The following TASOR2 variants were observed in gnomAD, a reference collection of about 807,000 sequenced individuals.
TASOR2 encodes transcription activation suppressor family member 2, also known as protein TASOR 2.
A neutral mutation model predicts 199.5 loss-of-function variants in TASOR2; 84 were observed. The ratio of observed to expected loss-of-function variants is 0.42; its 90% CI spans 0.35 to 0.50. TASOR2 has a LOEUF of 0.50. Among genes scored for constraint, TASOR2 ranks in the 20% least tolerant of loss-of-function variants. The probability of loss-of-function intolerance (pLI) is 0.02; values close to 1 mark genes in which losing one functional copy is unlikely to be tolerated. For synonymous variants in TASOR2, 1,103 were observed against 1,046.6 expected, an observed-to-expected ratio of 1.05 and a Z score of -1.04; for missense variants, 2,796 against 2,835.9, an observed-to-expected ratio of 0.99 and a Z score of 0.32.
intron 14 of TASOR2, among the ~76,000 whole-genome samples, chr10:5,743,662 T>C (rs1439048416): frequency 1.3e-5 from 2 of 152,128 alleles, no homozygotes; most frequent in Non-Finnish European, 2.9e-5. Context: ...CACCTTAGAA[T>C]AAGAAAATAT....
chr10:5,726,079 T>C (rs1303860917), intron 8 of TASOR2, among the ~76,000 whole-genome samples: 2 of 152,234 alleles, frequency 1.3e-5, no homozygotes, highest in Non-Finnish European at 2.9e-5. Context: ...TGTAAAATGG[T>C]ATATTTTATT....
chr10:5,713,273 T>C (rs1444227896), intron 2 of TASOR2, among the ~76,000 whole-genome samples: 1 of 152,236 alleles, frequency 6.6e-6, no homozygotes, highest in Non-Finnish European at 1.5e-5. Context: ...GAAATTTTTC[T>C]GGTTTAAGTT....
intron 17 of TASOR2, among the ~76,000 whole-genome samples, chr10:5,758,013 C>T (rs982477578): frequency 6.6e-6 from 1 of 152,166 alleles, no homozygotes; most frequent in African/African-American, 2.4e-5. Context: ...AAATTGTTTG[C>T]TTAAAGTCAA....
intron 16 of TASOR2, 46 bp from the exon 18 acceptor site, chr10:5,757,474 T>A: frequency 6.5e-7 from 1 of 1,549,328 alleles, no homozygotes; most frequent in Non-Finnish European, 8.7e-7. Context: ...TAAGAAAATG[T>A]GCCCAGTGAG....
chr10:5,735,574 A>G, intron 12 of TASOR2, 28 bp downstream of exon 13: 1 of 1,609,520 alleles, frequency 6.2e-7, no homozygotes, highest in Non-Finnish European at 8.5e-7. Context: ...TATAAATTTA[A>G]ACACCCCAAT....
At chr10:5,759,365 A>G (rs1839440255) in intron 18 of TASOR2, among the ~76,000 whole-genome samples, 1 of 152,242 alleles carries the variant, frequency 6.6e-6, no homozygotes, top group African/African-American at 2.4e-5. Flanking sequence ...ACCATAATCT[A>G]TCCTTAATTC....
intron 10 of TASOR2, among the ~76,000 whole-genome samples, chr10:5,729,976 C>T (rs1274568175): frequency 1.3e-5 from 2 of 152,210 alleles, no homozygotes; most frequent in African/African-American, 4.8e-5. Flanking sequence ...TAGCAATAAT[C>T]ATTCCAGTGA....
At chr10:5,702,857 A>T (rs1838069346) in intron 1 of TASOR2, among the ~76,000 whole-genome samples, 1 of 152,190 alleles carries the variant, frequency 6.6e-6, no homozygotes, top group Admixed American at 6.5e-5. Flanking sequence ...ATTGAGACAT[A>T]TTCTGGTAAA....
chr10:5,729,891 G>GGGCC (rs1834570528), intron 10 of TASOR2, among the ~76,000 whole-genome samples: 1 of 151,348 alleles, frequency 6.6e-6, no homozygotes, highest in Middle Eastern at 3.2e-3. Context: ...TTCAGTCAAA[G>GGGCC]CAGGAGAGGA....
intron 1 of TASOR2, among the ~76,000 whole-genome samples, chr10:5,688,589 C>G (rs1019515525): frequency 1.3e-5 from 2 of 152,048 alleles, no homozygotes; most frequent in Non-Finnish European, 2.9e-5. Context: ...ACTTCTCATG[C>G]TCTGACATTA....
At chr10:5,760,911 GGCT>G (rs1839718801) in intron 18 of TASOR2, 1 of 155,634 alleles carries the variant, frequency 6.4e-6, no homozygotes, top group Non-Finnish European at 1.4e-5. Context: ...AGAAAATTCT[GGCT>G]GCTACCTAAT....
At chr10:5,725,296 C>T (rs1242926222) in intron 8 of TASOR2, among the ~76,000 whole-genome samples, 1 of 146,566 alleles carries the variant, frequency 6.8e-6, no homozygotes, top group Middle Eastern at 3.6e-3. Flanking sequence ...GAGGCTGAGG[C>T]AGGAGAATGG....
rs1836316242 is a variant in TASOR2 at position 5,690,644 on chromosome 10, A to G, written c.-288+5469A>G. Among the ~76,000 whole-genome samples the G allele has an allele frequency of 6.6e-6, 1 of 152,216 alleles. No homozygotes were observed. The highest frequency in any genetic ancestry group is 1.5e-5 in the Non-Finnish European group (1 of 68,034). On this transcript the variant is annotated intron_variant, in intron 1 of 20. Coordinates refer to ENST00000328090, the Ensembl canonical transcript of TASOR2. The surrounding 1 kb of genome is among the most constrained non-coding windows in gnomAD (Gnocchi z 4.8). ...AAGAGTACCCAAAAGTGGGTCTTGA[A>G]ATATAATTGTTTCTGAGAGGAACTT... is the stretch of plus-strand genomic sequence containing the variant.
chr10:5,695,972 C>T (rs144113253), intron 1 of TASOR2, among the ~76,000 whole-genome samples: 196 of 152,212 alleles, frequency 1.3e-3, no homozygotes, highest in Middle Eastern at 6.8e-3. Context: ...AACCCCTTCT[C>T]CACTCCCACA....
chr10:5,759,054 T>C (rs1050166720), intron 18 of TASOR2, 62 bp downstream of exon 19: 40 of 1,173,658 alleles, frequency 3.4e-5, no homozygotes, highest in Non-Finnish European at 4.7e-5. Context: ...AAACGCCTCA[T>C]GTTCCATGGG....
At chr10:5,759,111 T>G (rs1839405577) in intron 18 of TASOR2, 119 bp downstream of exon 19, 1 of 671,938 alleles carries the variant, frequency 1.5e-6, no homozygotes. Flanking sequence ...GTAAAGAGCA[T>G]GAGGGCTGCT....
rs1835998648 is a variant in TASOR2, at chr10:5,738,963, A to G, written c.1448-655A>G. On this transcript the variant is annotated intron_variant, in intron 12 of 20. Coordinates refer to ENST00000328090, the Ensembl canonical transcript of TASOR2. The surrounding 1 kb of genome is among the most constrained non-coding windows in gnomAD (Gnocchi z 4.7). ...CTTTCTTGGATAATGTAAAAGGTCA[A>G]TGTTTTTGGTAATGAAAGTAAAATT... Among the ~76,000 whole-genome samples, 4 of 152,380 alleles carry G rather than the reference A, an allele frequency of 2.6e-5. No individual in the cohort carries two copies. The South Asian group carries it at 8.3e-4, about 32-fold the overall frequency.
chr10:5,694,134 A>G (rs1836846145), intron 1 of TASOR2, among the ~76,000 whole-genome samples: 1 of 152,136 alleles, frequency 6.6e-6, no homozygotes, highest in South Asian at 2.1e-4. Flanking sequence ...AGCATGCACA[A>G]AGGCCTTAAA....
chr10:5,739,665 T>G (rs2254067), exon 13 of TASOR2: 1,346,976 of 1,613,460 alleles, frequency 0.83, 563,167 homozygotes, highest in Admixed American at 0.89. Context: ...TTCAAGAGGT[T>G]GTCAAGAAGA....
Sources: gnomAD v4.1 joint callset for allele counts (sites outside exome capture counted in the v4.1 genomes callset) on GRCh38, gnomAD v4.1.1 for gene constraint, Gnocchi (gnomAD v3.1) non-coding constraint, MANE v1.5 for transcripts, NCBI Gene and HGNC (gene_info 2026-07-23, HGNC 2026-07-21) for gene names.